SUCLG2: variants seen among roughly 807,000 people sequenced by gnomAD.
SUCLG2 encodes the protein succinate--CoA ligase [GDP-forming] subunit beta, mitochondrial.
Under a neutral mutation model 47.9 loss-of-function variants are expected in SUCLG2, and 42 were observed. The ratio of observed to expected loss-of-function variants is 0.88; its 90% confidence interval spans 0.69 to 1.14. The LOEUF (loss-of-function observed/expected upper bound fraction) is 1.14, where lower values mean the gene tolerates loss of function less well. Among genes scored for constraint, SUCLG2 ranks in the 50% most tolerant of loss-of-function variants. SUCLG2 has a pLI of 0.00. For missense variants in SUCLG2, 571 were observed against 525.9 expected (o/e 1.09, Z -0.84); for synonymous variants, 195 against 197.3 (o/e 0.99, Z 0.10).
At chr3:67,654,096 C>G (rs746332407) in intron 1 of SUCLG2, among the ~76,000 whole-genome samples, 18 of 152,210 alleles carry the variant, frequency 1.2e-4, no homozygotes, top group Non-Finnish European at 2.2e-4. Flanking sequence ...ATCACGTGGT[C>G]TAAACGTGCT....
chr3:67,606,121 C>T (rs1700413626), intron 2 of SUCLG2, among the ~76,000 whole-genome samples: 1 of 152,118 alleles, frequency 6.6e-6, no homozygotes, highest in Admixed American at 6.6e-5. Flanking sequence ...GGGAGGATCA[C>T]TCGAGCCCAG....
intron 9 of SUCLG2, among the ~76,000 whole-genome samples, chr3:67,433,509 G>A (rs1575692218): frequency 6.6e-6 from 1 of 152,104 alleles, no homozygotes; most frequent in East Asian, 1.9e-4. Context: ...AGAAGATGGG[G>A]GAGTGGGCCC....
At chr3:67,436,339 T>C (rs184246831) in intron 9 of SUCLG2, among the ~76,000 whole-genome samples, 61 of 152,212 alleles carry the variant, frequency 4.0e-4, no homozygotes, top group African/African-American at 1.3e-3. Context: ...CAGTGACCCA[T>C]AGTGGACCCC....
At chr3:67,376,194 A>C in intron 10 of SUCLG2, 1 of 985,206 alleles carries the variant, frequency 1.0e-6, no homozygotes, top group East Asian at 1.1e-4. Context: ...AAGCCCTCTC[A>C]GACGTCATCA....
rs115588620 is a variant in SUCLG2, at chr3:67,646,152, G to C, written c.84+8351C>G. On this transcript the variant is annotated intron_variant, in intron 1 of 10. Coordinates refer to ENST00000307227, the MANE Select transcript of SUCLG2 (RefSeq NM_003848.4). ...AGAATATGGTGCCCTAAATGGATCA[G>C]GCCACTCCCCAGACACTGTACCCAG... 5.9e-3 allele frequency among the ~76,000 whole-genome samples: 889 copies of C among 151,580 alleles called. 8 individuals are homozygous for C. The highest frequency in any genetic ancestry group is 0.02 in the African/African-American group (833 of 41,336).
intron 6 of SUCLG2, among the ~76,000 whole-genome samples, chr3:67,512,991 T>C (rs1705839099): frequency 6.6e-6 from 1 of 150,738 alleles, no homozygotes; most frequent in Admixed American, 6.6e-5. Context: ...CGTATAGATA[T>C]ATATAGATAC....
chr3:67,419,332 T>C (rs59535065), intron 9 of SUCLG2, among the ~76,000 whole-genome samples: 8,353 of 152,280 alleles, frequency 0.055, 329 homozygotes, highest in East Asian at 0.2. Flanking sequence ...TTCTACTCCT[T>C]TGAACTTACA....
intron 9 of SUCLG2, among the ~76,000 whole-genome samples, chr3:67,428,726 CTAGAA>C (rs1380302598): frequency 1.3e-5 from 2 of 152,126 alleles, no homozygotes; most frequent in Non-Finnish European, 2.9e-5. Flanking sequence ...AAATGGCTAA[CTAGAA>C]TAAACAGCAT....
At chr3:67,397,862 A>G (rs1050370012) in intron 10 of SUCLG2, among the ~76,000 whole-genome samples, 9 of 151,836 alleles carry the variant, frequency 5.9e-5, no homozygotes, top group Non-Finnish European at 8.8e-5. Context: ...CAGAAATAAC[A>G]CCGCATATCT....
chr3:67,615,029 T>C (rs1254213652), intron 1 of SUCLG2, among the ~76,000 whole-genome samples: 4 of 152,192 alleles, frequency 2.6e-5, no homozygotes, highest in Non-Finnish European at 2.9e-5. Context: ...GTTTCTTTGA[T>C]AGAGCAAACA....
intron 6 of SUCLG2, among the ~76,000 whole-genome samples, chr3:67,517,699 T>C (rs1705983741): frequency 1.3e-5 from 2 of 152,218 alleles, no homozygotes. Context: ...CTCAATAAAA[T>C]ATCAAGTTTA....
At position 67,433,468 on chromosome 3, in the gene SUCLG2, G is replaced by C. The variant is rs536363663; in HGVS notation, c.1063-32617C>G. Among the ~76,000 whole-genome samples, 3 of 152,246 alleles carry C rather than the reference G, an allele frequency of 2.0e-5. No homozygotes were observed. The South Asian group carries it at 6.2e-4, about 32-fold the overall frequency. On this transcript the variant is annotated intron_variant, in intron 9 of 10. Coordinates refer to ENST00000307227, the MANE Select transcript of SUCLG2 (RefSeq NM_003848.4). ...AGGATAAAGATAGGAAGGTGCGCACGGTGGGTGTGGAAGGAGGGAGAATCC... is the reference window on the plus strand; with the variant it reads ...AGGATAAAGATAGGAAGGTGCGCACCGTGGGTGTGGAAGGAGGGAGAATCC...
intron 10 of SUCLG2, among the ~76,000 whole-genome samples, chr3:67,386,785 C>T (rs201967115): frequency 1.3e-5 from 2 of 151,970 alleles, no homozygotes; most frequent in African/African-American, 2.4e-5. Flanking sequence ...GACACAGAGG[C>T]AAGCCATATC....
At chr3:67,577,875 C>G (rs1236826960) in intron 2 of SUCLG2, among the ~76,000 whole-genome samples, 3 of 152,076 alleles carry the variant, frequency 2.0e-5, no homozygotes, top group African/African-American at 7.2e-5. Flanking sequence ...GTTCCATTTG[C>G]CCAAAGACCT....
At chr3:67,447,567 A>C (rs1465987609) in intron 9 of SUCLG2, among the ~76,000 whole-genome samples, 1 of 152,214 alleles carries the variant, frequency 6.6e-6, no homozygotes, top group Non-Finnish European at 1.5e-5. Flanking sequence ...ATGGATACAG[A>C]AAACAGGAAC....
chr3:67,522,474 G>A (rs1215805535), intron 4 of SUCLG2, among the ~76,000 whole-genome samples: 1 of 151,920 alleles, frequency 6.6e-6, no homozygotes, highest in South Asian at 2.1e-4. Flanking sequence ...AAATGTCTAG[G>A]TTTTAAACTG....
chr3:67,408,108 T>C (rs965947009), intron 9 of SUCLG2, among the ~76,000 whole-genome samples: 10 of 152,224 alleles, frequency 6.6e-5, no homozygotes, highest in African/African-American at 1.9e-4. Flanking sequence ...ATTGGTTCGA[T>C]TGGGACCAGA....
intron 1 of SUCLG2, among the ~76,000 whole-genome samples, chr3:67,632,184 C>T (rs2107353517): frequency 6.6e-6 from 1 of 151,970 alleles, no homozygotes; most frequent in East Asian, 1.9e-4. Flanking sequence ...AGGGAAAATC[C>T]AGAGTTCATT....
intron 2 of SUCLG2, among the ~76,000 whole-genome samples, chr3:67,552,228 A>G (rs1707035541): frequency 6.6e-6 from 1 of 152,086 alleles, no homozygotes. Flanking sequence ...CAATGACCCA[A>G]TAATAGCAAA....
Sources: gnomAD v4.1 joint callset for allele counts (sites outside exome capture counted in the v4.1 genomes callset) on GRCh38, gnomAD v4.1.1 for gene constraint, MANE v1.5 for transcripts, NCBI Gene and HGNC (gene_info 2026-07-23, HGNC 2026-07-21) for gene names.